Variants in CSGALNACT1 observed in about 807,000 individuals in gnomAD.
CSGALNACT1 encodes the protein beta4GalNAcT-1.
A neutral mutation model predicts 51.0 loss-of-function variants in CSGALNACT1; 52 were observed. The ratio of observed to expected loss-of-function variants is 1.02; its 90% CI spans 0.82 to 1.29. The LOEUF (loss-of-function observed/expected upper bound fraction) is 1.29. CSGALNACT1 is among the 50% of genes most tolerant of loss of function. The pLI is 0.00. For missense variants in CSGALNACT1, 935 were observed against 679.2 expected (o/e 1.38, Z -4.19); for synonymous variants, 341 against 254.4 (o/e 1.34, Z -3.24).
chr8:19,508,120 C>T (rs2077726141), intron 3 of CSGALNACT1, among the ~76,000 whole-genome samples: 1 of 152,214 alleles, frequency 6.6e-6, no homozygotes, highest in Non-Finnish European at 1.5e-5. Context: ...GTAGTCTATC[C>T]TATTTACCGA....
At chr8:19,488,746 AC>A (rs2073690824) in intron 4 of CSGALNACT1, among the ~76,000 whole-genome samples, 1 of 152,164 alleles carries the variant, frequency 6.6e-6, no homozygotes, top group Non-Finnish European at 1.5e-5. Flanking sequence ...GTTTATAACA[AC>A]CCGACAGGGT....
intron 1 of CSGALNACT1, among the ~76,000 whole-genome samples, chr8:19,628,426 CT>C (rs1435484153): frequency 6.6e-6 from 1 of 152,194 alleles, no homozygotes; most frequent in Non-Finnish European, 1.5e-5. Flanking sequence ...ATCCAGTGAC[CT>C]CCCACCAGGT....
At chr8:19,491,807 T>C (rs954974661) in intron 4 of CSGALNACT1, among the ~76,000 whole-genome samples, 1 of 152,244 alleles carries the variant, frequency 6.6e-6, no homozygotes, top group Non-Finnish European at 1.5e-5. Context: ...ACGACACAAC[T>C]GATTTCTAAT....
At chr8:19,577,648 G>C (rs1436507787) in intron 3 of CSGALNACT1, among the ~76,000 whole-genome samples, 1 of 151,702 alleles carries the variant, frequency 6.6e-6, no homozygotes, top group Non-Finnish European at 1.5e-5. Context: ...TATCAGGTTA[G>C]CATGCCAGAC....
In CSGALNACT1 at chr8:19,580,125, A is replaced by C. The variant is rs142875561; in HGVS notation, c.-297+11035T>G. 3.3e-3 allele frequency among the ~76,000 whole-genome samples: 500 copies of C among 152,370 alleles called. 12 individuals are homozygous for C. In the South Asian group the frequency reaches 0.064, roughly 19 times the overall value. On this transcript the variant is annotated intron_variant, in intron 3 of 9. Coordinates refer to ENST00000454498, the Ensembl canonical transcript of CSGALNACT1. ...TTGCACTGGACGAGCAGACAGCTGC[A>C]GCCCAAAGCCTGGAGCAGTCTTACT...
intron 1 of CSGALNACT1, among the ~76,000 whole-genome samples, chr8:19,722,399 C>T (rs917916008): frequency 2.6e-5 from 4 of 152,200 alleles, no homozygotes; most frequent in Non-Finnish European, 2.9e-5. Flanking sequence ...TGGATGCTTA[C>T]TTTCTGCCAG....
At chr8:19,409,384 G>T (rs1429508121) in intron 8 of CSGALNACT1, among the ~76,000 whole-genome samples, 2 of 152,108 alleles carry the variant, frequency 1.3e-5, no homozygotes, top group African/African-American at 4.8e-5. Context: ...CAGCCTGCAG[G>T]GCTGCGGAGA....
intron 1 of CSGALNACT1, among the ~76,000 whole-genome samples, chr8:19,677,170 A>C (rs1469069812): frequency 6.6e-6 from 1 of 152,046 alleles, no homozygotes. Context: ...ATACAGTCTT[A>C]TAATCTCTAC....
At chr8:19,476,035 C>A (rs1288535445) in intron 4 of CSGALNACT1, among the ~76,000 whole-genome samples, 1 of 152,166 alleles carries the variant, frequency 6.6e-6, no homozygotes, top group Non-Finnish European at 1.5e-5. Flanking sequence ...ATTTTGACAG[C>A]CACCGCCCCT....
In CSGALNACT1 at chr8:19,409,280, G is replaced by A. The variant is rs372988714; in HGVS notation, c.1228-586C>T. Among the ~76,000 whole-genome samples the A allele has an allele frequency of 5.3e-5, 8 of 152,162 alleles. No homozygotes were observed. In the South Asian group the frequency reaches 1.5e-3, roughly 28 times the overall value. ...TAACTCTCGCTTGCTGAGGAAAAGG[G>A]CACTAGAAGTCCAGCTTCTGAAGAA... On this transcript the variant is annotated intron_variant, in intron 8 of 9. Transcript: ENST00000454498.
At chr8:19,470,435 G>A (rs2067864148) in intron 4 of CSGALNACT1, among the ~76,000 whole-genome samples, 1 of 152,172 alleles carries the variant, frequency 6.6e-6, no homozygotes, top group Non-Finnish European at 1.5e-5. Context: ...AATTTGCACT[G>A]ACATCAGCAC....
At chr8:19,671,439 A>G (rs529485881) in intron 1 of CSGALNACT1, among the ~76,000 whole-genome samples, 2 of 152,222 alleles carry the variant, frequency 1.3e-5, no homozygotes, top group Non-Finnish European at 2.9e-5. Context: ...TGGAAAACCC[A>G]CAAGTAAAAT....
intron 6 of CSGALNACT1, among the ~76,000 whole-genome samples, chr8:19,428,853 G>GTGTC (rs1269860233): frequency 3.3e-5 from 5 of 151,320 alleles, no homozygotes; most frequent in African/African-American, 4.9e-5. Context: ...GTGTGTGTGT[G>GTGTC]TGTGTGTGTG....
At chr8:19,739,139 G>A (rs555441188) in intron 1 of CSGALNACT1, among the ~76,000 whole-genome samples, 6 of 151,884 alleles carry the variant, frequency 4.0e-5, no homozygotes, top group African/African-American at 1.4e-4. Flanking sequence ...ATGATATTTA[G>A]GGGGTATGCT....
At chr8:19,691,634 C>T (rs1441555242) in intron 1 of CSGALNACT1, among the ~76,000 whole-genome samples, 1 of 152,172 alleles carries the variant, frequency 6.6e-6, no homozygotes, top group East Asian at 1.9e-4. Flanking sequence ...TAGGGGACAT[C>T]GACAGCTGAC....
intron 3 of CSGALNACT1, among the ~76,000 whole-genome samples, chr8:19,518,911 T>C (rs529769161): frequency 2.6e-5 from 4 of 152,276 alleles, no homozygotes; most frequent in South Asian, 2.1e-4. Context: ...ACTTTATTTA[T>C]TTACAGTGAA....
At chr8:19,482,759 T>TA (rs1204359930) in intron 4 of CSGALNACT1, among the ~76,000 whole-genome samples, 1 of 152,192 alleles carries the variant, frequency 6.6e-6, no homozygotes, top group Non-Finnish European at 1.5e-5. Flanking sequence ...CTCCACAGTT[T>TA]AAATTTGCAT....
At chr8:19,420,506 G>C (rs1258405440) in exon 7 of CSGALNACT1, 5 of 1,613,892 alleles carry the variant, frequency 3.1e-6, no homozygotes, top group Admixed American at 1.7e-5. Flanking sequence ...TAAAGTTCCT[G>C]AAGTTGGCAG....
intron 1 of CSGALNACT1, among the ~76,000 whole-genome samples, chr8:19,737,599 A>C (rs1432877959): frequency 6.6e-6 from 1 of 152,070 alleles, no homozygotes; most frequent in Non-Finnish European, 1.5e-5. Flanking sequence ...AAATTGGAAA[A>C]AGAAAAAAAA....
Sources: allele counts gnomAD v4.1 joint callset (sites outside exome capture counted in the v4.1 genomes callset), GRCh38; gene constraint gnomAD v4.1.1; transcripts MANE v1.5; gene names NCBI Gene and HGNC (gene_info 2026-07-23, HGNC 2026-07-21).